ATP13A4: variants seen among roughly 807,000 people sequenced by gnomAD.
ATP13A4 encodes ATPase 13A4.
In ATP13A4, 114 loss-of-function variants were observed where a neutral mutation model predicts 142.5. The observed-to-expected ratio is 0.80, with a 90% CI of 0.69 to 0.93. The LOEUF is 0.93. Ranked by LOEUF, ATP13A4 falls within the 40% of genes least tolerant of loss-of-function variation. The pLI, the probability that ATP13A4 is intolerant of heterozygous loss-of-function variation, is 0.00. For synonymous variants in ATP13A4, 488 were observed against 514.8 expected (o/e 0.95, Z 0.70); for missense variants, 1,392 against 1,454.0 (o/e 0.96, Z 0.69).
At chr3:193,550,383 T>C (rs370932791) in intron 1 of ATP13A4, among the ~76,000 whole-genome samples, 37 of 150,322 alleles carry the variant, frequency 2.5e-4, no homozygotes, top group African/African-American at 8.6e-4. Context: ...CTCAGCTCAC[T>C]GCAGCCTCAA....
intron 18 of ATP13A4, among the ~76,000 whole-genome samples, chr3:193,442,828 T>C (rs1716728306): frequency 6.6e-6 from 1 of 152,238 alleles, no homozygotes; most frequent in Non-Finnish European, 1.5e-5. Context: ...ATTTTCATCA[T>C]TTGTTAGCAG....
chr3:193,405,403 C>T (rs576033094), intron 29 of ATP13A4, among the ~76,000 whole-genome samples: 16 of 152,118 alleles, frequency 1.1e-4, no homozygotes, highest in Non-Finnish European at 1.5e-4. Flanking sequence ...CAAGTGTAAT[C>T]GATAAAGCAT....
In ATP13A4 at chr3:193,554,867, G is replaced by A. The variant is rs918351709; in HGVS notation, c.-68C>T. 21 of 1,612,740 alleles carry A rather than the reference G, an allele frequency of 1.3e-5. No individual in the cohort carries two copies. The highest frequency in any genetic ancestry group is 1.4e-5 in the Non-Finnish European group (17 of 1,179,900). ...ACGCTTCCAGGATGAACTCCAACTC[G>A]CCGAGCCACCGCAGCTCCTCAGCTG... On this transcript the variant is annotated 5_prime_UTR_variant, in exon 1 of 30. Transcript: ENST00000342695.
chr3:193,484,219 A>G (rs58568775), intron 7 of ATP13A4, among the ~76,000 whole-genome samples: 2,558 of 152,118 alleles, frequency 0.017, 68 homozygotes, highest in African/African-American at 0.058. Context: ...TGTTTTCTTC[A>G]GCAGAAAGGA....
chr3:193,432,110 T>C (rs1716016537), intron 25 of ATP13A4, among the ~76,000 whole-genome samples: 2 of 90,038 alleles, frequency 2.2e-5, no homozygotes, highest in Admixed American at 2.1e-4. Context: ...GGGAATGATC[T>C]AGTAAACAAG....
chr3:193,531,413 A>AGGAAGGAG (rs201662320), intron 1 of ATP13A4, among the ~76,000 whole-genome samples: 30 of 149,544 alleles, frequency 2.0e-4, no homozygotes, highest in Admixed American at 8.7e-4. Context: ...AAAGGAAGGA[A>AGGAAGGAG]GGAAGGAGGG....
At chr3:193,581,511 G>A (rs533188109) in intron 2 of ATP13A4, among the ~76,000 whole-genome samples, 1 of 152,250 alleles carries the variant, frequency 6.6e-6, no homozygotes, top group East Asian at 1.9e-4. Flanking sequence ...TGCAATGGAC[G>A]TGATAACCAC....
chr3:193,438,566 C>T lies in ATP13A4; in HGVS notation c.2581G>A (p.Val861Met), dbSNP rs143538005. Residue 861 changes from valine to methionine, a missense_variant, in exon 23 of 30, where the codon GTG becomes ATG. By Grantham distance (21) the Val-to-Met change is conservative. Transcript: ENST00000342695. ...TCCTGCTCTGATAATGAGATGCCCA[C>T]ATGAGCCATTTTCAGAGCCTGAAAG... is the stretch of plus-strand genomic sequence containing the variant. ...NDCGALKMAH[V>M]GISLSEQEAS... The T allele has an allele frequency of 1.3e-5, 21 of 1,614,002 alleles. No homozygotes were observed. Among genetic ancestry groups the T allele is most frequent in the Non-Finnish European group, 1.7e-5 (20 of 1,180,002 alleles).
At chr3:193,568,551 T>C (rs893941485) in intron 2 of ATP13A4, among the ~76,000 whole-genome samples, 1 of 152,208 alleles carries the variant, frequency 6.6e-6, no homozygotes, top group Non-Finnish European at 1.5e-5. Context: ...ATAGGACTAA[T>C]AACTTTAAGG....
chr3:193,522,831 T>C (rs781471215), intron 1 of ATP13A4, among the ~76,000 whole-genome samples: 6 of 152,210 alleles, frequency 3.9e-5, no homozygotes, highest in Non-Finnish European at 5.9e-5. Flanking sequence ...TCCGGTAATC[T>C]TGGGCAAGAG....
intron 17 of ATP13A4, 100 bp from the exon 18 acceptor site, chr3:193,448,430 G>A: frequency 6.8e-7 from 1 of 1,461,974 alleles, no homozygotes; most frequent in South Asian, 1.2e-5. Context: ...GGAGGACAGT[G>A]GTTCAAGTCA....
At chr3:193,544,859 A>C (rs920674578) in intron 1 of ATP13A4, among the ~76,000 whole-genome samples, 5 of 152,208 alleles carry the variant, frequency 3.3e-5, no homozygotes, top group African/African-American at 1.2e-4. Context: ...ATATGAGCAG[A>C]AGGTTTGAAG....
intron 2 of ATP13A4, among the ~76,000 whole-genome samples, chr3:193,572,511 C>G (rs117031691): frequency 0.024 from 3,659 of 152,140 alleles, 51 homozygotes; most frequent in East Asian, 0.032. Flanking sequence ...TGGTATGAAC[C>G]AGTTTAGGTT....
At chr3:193,566,882 A>G (rs370639695) in intron 2 of ATP13A4, among the ~76,000 whole-genome samples, 48 of 152,354 alleles carry the variant, frequency 3.2e-4, no homozygotes, top group African/African-American at 1.1e-3. Flanking sequence ...GTTAATATTT[A>G]TCAAAGAGAT....
chr3:193,508,816 G>A (rs1395987345), intron 2 of ATP13A4, among the ~76,000 whole-genome samples: 3 of 152,138 alleles, frequency 2.0e-5, no homozygotes, highest in African/African-American at 7.2e-5. Context: ...GTATCCTTGA[G>A]ATAAAATTCT....
rs373807886 is a variant in ATP13A4 at position 193,459,177 on chromosome 3, C to G, written c.1578G>C (p.Leu526=). The change falls in exon 14 of 30, where the codon CTG becomes CTC. Residue 526 remains leucine (L), a synonymous_variant. Transcript: ENST00000342695. The stretch of plus-strand genomic sequence containing the variant: ...AGTGGCAGCTGGCCATCGCTGCACA[C>G]AGTGGGCCCCATGGCAAAGCCTGGC... ...ASGQALPWGP[L]CAAMASCHSL... 65 of 1,614,246 alleles carry G rather than the reference C, an allele frequency of 4.0e-5. No homozygotes were observed. The African/African-American group carries it at 6.1e-4, about 15-fold the overall frequency.
intron 21 of ATP13A4, chr3:193,440,336 A>T: frequency 2.6e-6 from 2 of 783,726 alleles, no homozygotes; most frequent in Non-Finnish European, 3.8e-6. Flanking sequence ...GAAAAAAAAT[A>T]CTGATTTTTT....
intron 18 of ATP13A4, 62 bp from the exon 19 acceptor site, chr3:193,442,618 C>A: frequency 6.6e-7 from 1 of 1,514,024 alleles, no homozygotes; most frequent in Non-Finnish European, 9.1e-7. Flanking sequence ...TCATGCAGAG[C>A]CTTGAAAACC....
rs531450849 is a variant in ATP13A4, at chr3:193,478,259, T to G, written c.808+5677A>C. On this transcript the variant is annotated intron_variant, in intron 8 of 29. Transcript: ENST00000342695. ...CATACCCAAACCCAGCAGAAGAAAATAAATAACCAAGATCAGAGCAGAACT... is the reference window on the plus strand; with the variant it reads ...CATACCCAAACCCAGCAGAAGAAAAGAAATAACCAAGATCAGAGCAGAACT... Among the ~76,000 whole-genome samples the G allele has an allele frequency of 7.0e-4, 103 of 147,084 alleles. 4 individuals are homozygous for G. The highest frequency in any genetic ancestry group is 2.4e-3 in the African/African-American group (96 of 39,692).
Sources: allele counts gnomAD v4.1 joint callset (sites outside exome capture counted in the v4.1 genomes callset), GRCh38; gene constraint gnomAD v4.1.1; transcripts MANE v1.5; gene names NCBI Gene and HGNC (gene_info 2026-07-23, HGNC 2026-07-21).